Variants in IFI27L1 observed in about 807,000 individuals in gnomAD.
IFI27L1 encodes the protein interferon alpha-inducible protein 27-like protein 1.
Under a neutral mutation model 9.2 loss-of-function variants are expected in IFI27L1, and 3 were observed. The observed-to-expected ratio is 0.32, with a 90% CI of 0.15 to 0.84. The LOEUF (loss-of-function observed/expected upper bound fraction) is 0.84, where lower values mean the gene tolerates loss of function less well. Among genes scored for constraint, IFI27L1 ranks in the 40% least tolerant of loss-of-function variants. The pLI, the probability that IFI27L1 is intolerant of heterozygous loss-of-function variation, is 0.56. For missense variants in IFI27L1, 133 were observed against 134.2 expected (o/e 0.99, Z 0.05); for synonymous variants, 53 against 50.0 (o/e 1.06, Z -0.26).
chr14:94,097,818 C>T, intron 2 of IFI27L1: 1 of 638,730 alleles, frequency 1.6e-6, no homozygotes, highest in Non-Finnish European at 2.8e-6. Flanking sequence ...GGAGGGACAG[C>T]TTCCAGAGGG....
At chr14:94,085,693 G>A (rs534625660) in intron 1 of IFI27L1, among the ~76,000 whole-genome samples, 146 of 152,172 alleles carry the variant, frequency 9.6e-4, no homozygotes, top group African/African-American at 3.3e-3. Context: ...AAAATGCAGA[G>A]TGCAGCTTTT....
intron 1 of IFI27L1, among the ~76,000 whole-genome samples, 173 bp downstream of exon 1, chr14:94,081,622 C>T (rs1886109719): frequency 6.6e-6 from 1 of 152,088 alleles, no homozygotes; most frequent in African/African-American, 2.4e-5. Context: ...AGGGCGTTCC[C>T]GAAGGTAAGA....
rs528926458 is a variant in IFI27L1 at position 94,101,841 on chromosome 14, C to T, written c.89C>T (p.Ala30Val). 28 of 1,614,246 alleles carry T rather than the reference C, an allele frequency of 1.7e-5. No individual in the cohort carries two copies. The highest frequency in any genetic ancestry group is 3.3e-5 in the Admixed American group (2 of 60,034). ...GTGGCTGTGGGGACTGTGCTCGTGG[C>T]GCTCAGTGCCATGGGCTTCACCTCA... ...GVVAVGTVLV[A>V]LSAMGFTSVG... is the part of the protein sequence containing the mutation. Residue 30 changes from alanine (A) to valine (V), a missense_variant, in exon 4 of 5, where the codon GCG becomes GTG. Physicochemically the swap from Ala to Val is moderately conservative, Grantham distance 64. Coordinates refer to ENST00000555523, the MANE Select transcript of IFI27L1 (RefSeq NM_206949.3).
rs144148634 is a variant in IFI27L1 at position 94,082,988 on chromosome 14, G to A, written c.-52+1539G>A. On this transcript the variant is annotated intron_variant, in intron 1 of 4. Coordinates refer to ENST00000555523, the MANE Select transcript of IFI27L1 (RefSeq NM_206949.3). ...GCCATAGAGAGTTATTCCTCTGATG[G>A]ATCTGGGCAAAGTATATTGAAAACC... Among the ~76,000 whole-genome samples, 13 of 152,318 alleles carry A rather than the reference G, an allele frequency of 8.5e-5. No homozygotes were observed. In the East Asian group the frequency reaches 2.5e-3, roughly 29 times the overall value.
At chr14:94,098,829 G>A (rs1886776960) in intron 2 of IFI27L1, among the ~76,000 whole-genome samples, 1 of 152,162 alleles carries the variant, frequency 6.6e-6, no homozygotes, top group Non-Finnish European at 1.5e-5. Context: ...CTCATGCTTT[G>A]CATTAGACCC....
At chr14:94,093,647 C>T (rs886324684) in intron 1 of IFI27L1, among the ~76,000 whole-genome samples, 1 of 152,158 alleles carries the variant, frequency 6.6e-6, no homozygotes, top group Non-Finnish European at 1.5e-5. Context: ...GATCTCTGAC[C>T]AGGGGCCCTG....
At chr14:94,092,821 C>A (rs1886527484) in intron 1 of IFI27L1, among the ~76,000 whole-genome samples, 1 of 152,112 alleles carries the variant, frequency 6.6e-6, no homozygotes, top group African/African-American at 2.4e-5. Flanking sequence ...GATGATTTCC[C>A]CCATGCTGTT....
intron 1 of IFI27L1, among the ~76,000 whole-genome samples, chr14:94,093,033 T>G (rs1053342569): frequency 6.6e-6 from 1 of 151,964 alleles, no homozygotes; most frequent in Non-Finnish European, 1.5e-5. Context: ...GGTTTCACCA[T>G]GTTGGCCAGG....
At chr14:94,089,936 A>G (rs779017415) in intron 1 of IFI27L1, among the ~76,000 whole-genome samples, 1 of 152,210 alleles carries the variant, frequency 6.6e-6, no homozygotes, top group Admixed American at 6.5e-5. Context: ...AGTTCCGACA[A>G]AAGGTGATAT....
At position 94,102,517 on chromosome 14, in the gene IFI27L1, C is replaced by T; in HGVS notation, c.264C>T (p.Gly88=). 6.3e-7 allele frequency: 1 copy of T among 1,593,716 alleles called. No homozygotes were observed. The highest frequency in any genetic ancestry group is 8.6e-7 in the Non-Finnish European group (1 of 1,169,272). Residue 88 remains glycine, a synonymous_variant, in exon 5 of 5, where the codon GGC becomes GGT. Coordinates refer to ENST00000555523, the MANE Select transcript of IFI27L1 (RefSeq NM_206949.3). ...GLSVTSKVIG[G]FAGTALGAWL... is the part of the protein sequence containing the mutation. ...CTGTGACATCTAAAGTTATCGGGGG[C>T]TTTGCTGGGACAGCTCTTGGGGCCT... is the stretch of plus-strand genomic sequence containing the variant.
chr14:94,096,729 C>A, intron 1 of IFI27L1, 158 bp from the exon 2 acceptor site: 41 of 430,666 alleles, frequency 9.5e-5, no homozygotes, highest in Middle Eastern at 4.6e-4. Context: ...GCTTTAAATA[C>A]TTAGGGTAGT....
intron 1 of IFI27L1, chr14:94,088,235 T>C: frequency 2.8e-6 from 2 of 702,304 alleles, no homozygotes; most frequent in Non-Finnish European, 5.2e-6. Context: ...AGTAGGGACT[T>C]GTTTTTTTGC....
chr14:94,096,750 T>A, intron 1 of IFI27L1, 137 bp from the exon 2 acceptor site: 1 of 482,716 alleles, frequency 2.1e-6, no homozygotes, highest in Non-Finnish European at 3.7e-6. Context: ...TACTCAAAAG[T>A]GGGTTTACGG....
intron 1 of IFI27L1, among the ~76,000 whole-genome samples, chr14:94,094,052 A>T (rs145274319): frequency 2.6e-5 from 4 of 152,198 alleles, no homozygotes; most frequent in African/African-American, 9.6e-5. Flanking sequence ...CAAGGAAAGG[A>T]GGGAAAATGA....
chr14:94,095,955 C>T (rs1009151658), intron 1 of IFI27L1, among the ~76,000 whole-genome samples: 1 of 152,154 alleles, frequency 6.6e-6, no homozygotes, highest in African/African-American at 2.4e-5. Flanking sequence ...ATAGTGGACT[C>T]ACATTTGAGA....
rs769149410 is a variant in IFI27L1 at position 94,096,905 on chromosome 14, G to A, written c.-33G>A. ...CCAACAGGTGGAAGTCCAAGAATCC[G>A]AGTGGAGGCTCACCGAGGCGAAGGG... is the stretch of plus-strand genomic sequence containing the variant. On this transcript the variant is annotated 5_prime_UTR_variant, in exon 2 of 5. Coordinates refer to ENST00000555523, the MANE Select transcript of IFI27L1 (RefSeq NM_206949.3). 8 of 1,611,074 alleles carry A rather than the reference G, an allele frequency of 5.0e-6. No individual in the cohort carries two copies. The South Asian group carries it at 5.5e-5, about 11-fold the overall frequency.
intron 3 of IFI27L1, 60 bp from the exon 4 acceptor site, chr14:94,101,754 T>C: frequency 6.4e-7 from 1 of 1,574,538 alleles, no homozygotes; most frequent in South Asian, 1.1e-5. Context: ...CAGGAGGATG[T>C]CAGGGAAGTC....
chr14:94,097,532 C>T (rs551300585), intron 2 of IFI27L1: 32 of 668,518 alleles, frequency 4.8e-5, no homozygotes, highest in East Asian at 3.0e-4. Flanking sequence ...GGATGGATTC[C>T]GGGTTCAGCA....
At position 94,102,469 on chromosome 14, in the gene IFI27L1, TC is replaced by T; in HGVS notation, c.224-3del. 6.4e-7 allele frequency: 1 copy of T among 1,559,096 alleles called. No individual in the cohort carries two copies. On this transcript the variant is annotated splice_polypyrimidine_tract_variant and splice_region_variant and intron_variant, in intron 4 of 4. Transcript: ENST00000555523. ...TGTGCCCTGTGCTCACCCTCTCTTC[TC>T]CCCCAGGGGCAGCTGGACTCTCTGT...
Sources: allele counts gnomAD v4.1 joint callset (sites outside exome capture counted in the v4.1 genomes callset), GRCh38; gene constraint gnomAD v4.1.1; transcripts MANE v1.5; gene names NCBI Gene and HGNC (gene_info 2026-07-23, HGNC 2026-07-21).